CCDC93: variants seen among roughly 807,000 people sequenced by gnomAD.
CCDC93 encodes CCC complex scaffolding subunit CCDC93, also known as coiled-coil domain-containing protein 93.
In CCDC93, 61 loss-of-function variants were observed where a neutral mutation model predicts 108.2. The observed-to-expected ratio is 0.56, with a 90% CI of 0.46 to 0.70. The LOEUF is 0.70. Ranked by LOEUF, CCDC93 falls within the 30% of genes least tolerant of loss-of-function variation. The probability of loss-of-function intolerance (pLI) is 0.00; values close to 1 mark genes in which losing one functional copy is unlikely to be tolerated. For missense variants in CCDC93, 685 were observed against 764.2 expected, an observed-to-expected ratio of 0.90 and a Z score of 1.22; for synonymous variants, 276 against 260.4, an observed-to-expected ratio of 1.06 and a Z score of -0.58.
Position 117,987,495 on chromosome 2 carries a change from T to C in CCDC93, c.520-1426A>G, listed in dbSNP as rs114140129. Among the ~76,000 whole-genome samples the C allele has an allele frequency of 8.0e-3, 1,213 of 152,318 alleles. 9 individuals are homozygous for C. Among genetic ancestry groups the C allele is most frequent in the Non-Finnish European group, 0.013 (866 of 68,028 alleles). ...TTTACAGGCCAACTATAAAGAGCTA[T>C]TGCTAAGTCACCCTTTAAAGCAACA... On this transcript the variant is annotated intron_variant, in intron 6 of 23. Transcript: ENST00000376300.
At chr2:117,929,481 C>T (rs919143964) in intron 23 of CCDC93, among the ~76,000 whole-genome samples, 2 of 152,170 alleles carry the variant, frequency 1.3e-5, no homozygotes, top group Non-Finnish European at 2.9e-5. Context: ...TGGAGGTCAT[C>T]CTAAGCTCTC....
intron 12 of CCDC93, among the ~76,000 whole-genome samples, chr2:117,953,100 AT>A (rs1256951019): frequency 2.0e-5 from 3 of 152,228 alleles, no homozygotes; most frequent in African/African-American, 7.2e-5. Flanking sequence ...GCTCAAAAGG[AT>A]TGTGTATTTT....
At chr2:117,939,631 C>A (rs1234433595) in intron 19 of CCDC93, among the ~76,000 whole-genome samples, 1 of 152,144 alleles carries the variant, frequency 6.6e-6, no homozygotes, top group Non-Finnish European at 1.5e-5. Context: ...CTACTTTCTG[C>A]TGAAAACTGT....
rs145635798 is a variant in CCDC93 at position 117,987,861 on chromosome 2, G to C, written c.520-1792C>G. On this transcript the variant is annotated intron_variant, in intron 6 of 23. Coordinates refer to ENST00000376300, the MANE Select transcript of CCDC93 (RefSeq NM_019044.5). Reference sequence around the variant, plus strand: ...AATAGTTATCACTTATTGAATAGTAGGTATGTGCCAGGCACATTCTGCTGT... The same window carrying C: ...AATAGTTATCACTTATTGAATAGTACGTATGTGCCAGGCACATTCTGCTGT... Among the ~76,000 whole-genome samples, 684 of 152,212 alleles carry C rather than the reference G, an allele frequency of 4.5e-3. 2 individuals carry two copies. Among genetic ancestry groups the C allele is most frequent in the Admixed American group, 6.3e-3 (97 of 15,294 alleles).
intron 11 of CCDC93, among the ~76,000 whole-genome samples, chr2:117,971,582 C>G (rs1679764292): frequency 2.0e-5 from 3 of 152,114 alleles, no homozygotes; most frequent in Non-Finnish European, 4.4e-5. Flanking sequence ...CAACACCTGT[C>G]AGAAAAGTAA....
intron 6 of CCDC93, among the ~76,000 whole-genome samples, chr2:117,992,472 G>A (rs1046614273): frequency 1.3e-5 from 2 of 152,214 alleles, no homozygotes; most frequent in Admixed American, 6.5e-5. Context: ...TCGAACTCCT[G>A]GGCTCAAGCG....
intron 22 of CCDC93, among the ~76,000 whole-genome samples, chr2:117,933,777 A>ATCAACAT (rs139256543): frequency 0.04 from 6,142 of 151,910 alleles, 135 homozygotes; most frequent in Middle Eastern, 0.075. Flanking sequence ...CACAGTGTCT[A>ATCAACAT]TCAACATTCA....
Position 117,920,227 on chromosome 2 carries a change from G to T in CCDC93, c.*116C>A. On this transcript the variant is annotated 3_prime_UTR_variant, in exon 24 of 24. Transcript: ENST00000376300. ...GGAGAAAGAAAACATCCAGGTTGTT[G>T]AAATCATCACAACTGCATCTCTCTA... 1 of 633,080 alleles carries T rather than the reference G, an allele frequency of 1.6e-6. No individual in the cohort carries two copies. The highest frequency in any genetic ancestry group is 2.7e-6 in the Non-Finnish European group (1 of 363,694). The allele number at this position is 633,080 out of a possible 1,614,324, so 39.2% of individuals were successfully genotyped here. A position where few individuals can be genotyped will look rare whatever the true frequency, so the allele number is the denominator to read the frequency against.
At chr2:117,976,001 C>T (rs1679931761) in intron 8 of CCDC93, among the ~76,000 whole-genome samples, 1 of 152,148 alleles carries the variant, frequency 6.6e-6, no homozygotes, top group Non-Finnish European at 1.5e-5. Context: ...TCCCTGCCAT[C>T]CACCAGCTGG....
In CCDC93 at chr2:117,941,494, G is replaced by A. The variant is rs558111756; in HGVS notation, c.1414-197C>T. 1.1e-4 allele frequency among the ~76,000 whole-genome samples: 17 copies of A among 152,250 alleles called. No individual in the cohort carries two copies. The South Asian group carries it at 2.9e-3, about 26-fold the overall frequency. On this transcript the variant is annotated intron_variant, in intron 18 of 23. Coordinates refer to ENST00000376300, the MANE Select transcript of CCDC93 (RefSeq NM_019044.5). The stretch of plus-strand genomic sequence containing the variant: ...TTTCCCGCTTTCCTAGGAGTGGGAG[G>A]TGGTGTGACTGTGAACTGAATCACA...
At position 117,944,229 on chromosome 2, in the gene CCDC93, G is replaced by C. The variant is rs1445291161; in HGVS notation, c.1351-143C>G. The C allele has an allele frequency of 2.1e-5, 12 of 572,234 alleles. No individual in the cohort carries two copies. In the South Asian group the frequency reaches 2.4e-4, roughly 11 times the overall value. The allele number at this position is 572,234 out of a possible 1,614,324, so 35.4% of individuals were successfully genotyped here. A position where few individuals can be genotyped will look rare whatever the true frequency, so the allele number is the denominator to read the frequency against. ...CTCTTCTTAAATGCCCAAGTTTACT[G>C]TCTGGGTCCTGTCTCATATGAGACC... On this transcript the variant is annotated intron_variant, in intron 17 of 23. Coordinates refer to ENST00000376300, the MANE Select transcript of CCDC93 (RefSeq NM_019044.5).
At chr2:117,984,204 T>G (rs1680245656) in intron 7 of CCDC93, among the ~76,000 whole-genome samples, 1 of 151,578 alleles carries the variant, frequency 6.6e-6, no homozygotes, top group African/African-American at 2.4e-5. Context: ...ATAACATCTC[T>G]CTCCCACCCA....
At chr2:117,950,433 G>A in intron 13 of CCDC93, 1 of 985,336 alleles carries the variant, frequency 1.0e-6, no homozygotes, top group Non-Finnish European at 1.2e-6. Context: ...CAATCTCCTG[G>A]CCTTTCTGAA....
intron 6 of CCDC93, among the ~76,000 whole-genome samples, chr2:117,995,178 A>G (rs1680605803): frequency 1.3e-5 from 2 of 152,200 alleles, no homozygotes; most frequent in African/African-American, 4.8e-5. Context: ...ATTGGGATAA[A>G]CTAGGAAGGG....
At chr2:117,941,953 T>C (rs991004916) in intron 18 of CCDC93, among the ~76,000 whole-genome samples, 7 of 152,100 alleles carry the variant, frequency 4.6e-5, no homozygotes, top group Admixed American at 6.5e-5. Context: ...GTGCTGCCTT[T>C]CTTCTGTGCC....
chr2:117,942,592 G>A (rs911976615), intron 18 of CCDC93, among the ~76,000 whole-genome samples: 11 of 152,246 alleles, frequency 7.2e-5, no homozygotes, highest in African/African-American at 1.4e-4. Flanking sequence ...CTCTCTGCTC[G>A]GCTCCCACAA....
At chr2:117,942,598 C>G (rs958406607) in intron 18 of CCDC93, among the ~76,000 whole-genome samples, 1 of 152,224 alleles carries the variant, frequency 6.6e-6, no homozygotes, top group African/African-American at 2.4e-5. Context: ...GCTCGGCTCC[C>G]ACAAGCCTCA....
At chr2:117,937,087 T>C (rs1018978669) in intron 20 of CCDC93, among the ~76,000 whole-genome samples, 3 of 152,182 alleles carry the variant, frequency 2.0e-5, no homozygotes, top group Non-Finnish European at 2.9e-5. Context: ...CTTTCTATCT[T>C]GCCAAACACT....
chr2:117,939,120 G>A lies in CCDC93; in HGVS notation c.1523-9C>T, dbSNP rs1394555698. ...TTTGTGCACTGCTGAAACTGTAAAAGTAAAGAAATCAGCACACGAATAAGA... is the reference window on the plus strand; with the variant it reads ...TTTGTGCACTGCTGAAACTGTAAAAATAAAGAAATCAGCACACGAATAAGA... On this transcript the variant is annotated splice_polypyrimidine_tract_variant and intron_variant, in intron 19 of 23. Transcript: ENST00000376300. 1 of 1,568,720 alleles carries A rather than the reference G, an allele frequency of 6.4e-7. No individual in the cohort carries two copies. The highest frequency in any genetic ancestry group is 8.8e-7 in the Non-Finnish European group (1 of 1,140,082).
Sources: allele counts gnomAD v4.1 joint callset (sites outside exome capture counted in the v4.1 genomes callset), GRCh38; gene constraint gnomAD v4.1.1; transcripts MANE v1.5; gene names NCBI Gene and HGNC (gene_info 2026-07-23, HGNC 2026-07-21).